The following CTNNA2 variants were observed in gnomAD, a reference collection of about 807,000 sequenced individuals.
The protein encoded by CTNNA2 is catenin alpha 2.
CTNNA2 carries 42 observed loss-of-function variants against 101.0 expected under a neutral mutation model. The ratio of observed to expected loss-of-function variants is 0.42; its 90% CI spans 0.32 to 0.54. The LOEUF (loss-of-function observed/expected upper bound fraction) is 0.54. CTNNA2 is among the 20% of genes least tolerant of loss of function. The pLI, the probability that CTNNA2 is intolerant of heterozygous loss-of-function variation, is 0.14. For missense variants in CTNNA2, 871 were observed against 1,223.1 expected, an observed-to-expected ratio of 0.71 and a Z score of 4.29; for synonymous variants, 450 against 456.4, an observed-to-expected ratio of 0.99 and a Z score of 0.18.
chr2:79,839,633 TC>T (rs558628476), intron 3 of CTNNA2, among the ~76,000 whole-genome samples: 4 of 152,152 alleles, frequency 2.6e-5, no homozygotes, highest in Admixed American at 2.6e-4. Flanking sequence ...TTTTTAAAAT[TC>T]TTTTGGTTAA....
At chr2:80,493,488 G>T (rs931489322) in intron 9 of CTNNA2, among the ~76,000 whole-genome samples, 13 of 152,226 alleles carry the variant, frequency 8.5e-5, no homozygotes, top group Non-Finnish European at 1.0e-4. Flanking sequence ...TTTATAAAAT[G>T]GGAAGATGGA....
chr2:79,289,796 C>A (rs780493078), intron 2 of CTNNA2, among the ~76,000 whole-genome samples: 1 of 152,136 alleles, frequency 6.6e-6, no homozygotes, highest in Non-Finnish European at 1.5e-5. Context: ...CTCTGTTTAA[C>A]TCCTTAATGT....
At chr2:80,328,203 C>CT in intron 7 of CTNNA2, 2 of 458,210 alleles carry the variant, frequency 4.4e-6, no homozygotes, top group Non-Finnish European at 9.1e-6. Flanking sequence ...AGATGGACTG[C>CT]TTTTTTGGGT....
At chr2:80,598,470 AAAAG>A (rs1178831420) in intron 15 of CTNNA2, among the ~76,000 whole-genome samples, 4 of 152,306 alleles carry the variant, frequency 2.6e-5, no homozygotes, top group African/African-American at 9.6e-5. Flanking sequence ...TATAAAAAAA[AAAAG>A]AATCTCAAAA....
chr2:79,652,887 T>A (rs979906821), intron 2 of CTNNA2, among the ~76,000 whole-genome samples: 4 of 152,296 alleles, frequency 2.6e-5, no homozygotes, highest in African/African-American at 9.6e-5. Context: ...CATCTAAATT[T>A]CATCAGCTTA....
intron 7 of CTNNA2, among the ~76,000 whole-genome samples, chr2:79,950,071 T>G (rs912728388): frequency 5.3e-5 from 8 of 152,096 alleles, no homozygotes; most frequent in African/African-American, 1.9e-4. Context: ...AAATTTAATC[T>G]TAGCTAAAAT....
At chr2:79,775,833 G>A (rs1247234749) in intron 3 of CTNNA2, among the ~76,000 whole-genome samples, 2 of 152,138 alleles carry the variant, frequency 1.3e-5, no homozygotes, top group African/African-American at 4.8e-5. Context: ...CAGTGGTCAT[G>A]AGAACTTTAT....
Position 80,302,891 on chromosome 2 carries a change from G to A in CTNNA2, c.1057-90320G>A. ...GCAATCCCACAGGTTCCCGGCCAGG[G>A]TGATGCTTGTCAGGGACTTCCAAGA... On this transcript the variant is annotated intron_variant, in intron 7 of 18. Transcript: ENST00000402739. This position sits in a 1 kb window ranked among gnomAD's most constrained non-coding sequence, Gnocchi z 6.4. The A allele has an allele frequency of 6.2e-7, 1 of 1,614,178 alleles. No individual in the cohort carries two copies. Among genetic ancestry groups the A allele is most frequent in the South Asian group, 1.1e-5 (1 of 91,078 alleles).
intron 4 of CTNNA2, among the ~76,000 whole-genome samples, chr2:79,865,067 G>A (rs1050111448): frequency 3.9e-5 from 6 of 151,996 alleles, no homozygotes; most frequent in East Asian, 1.9e-4. Flanking sequence ...AAATTGTTGT[G>A]CTTTGTATAA....
At chr2:79,320,026 A>C (rs2104408114) in intron 3 of CTNNA2, 1 of 152,270 alleles carries the variant, frequency 6.6e-6, no homozygotes, top group African/African-American at 2.4e-5. Context: ...TTTATCAGAT[A>C]AACATTTTTT....
intron 7 of CTNNA2, among the ~76,000 whole-genome samples, chr2:80,158,522 A>G (rs1704116737): frequency 6.6e-6 from 1 of 152,222 alleles, no homozygotes; most frequent in Non-Finnish European, 1.5e-5. Context: ...GTTGCTCTTC[A>G]ATAGCAACAC....
At chr2:80,521,358 G>T (rs376291633) in intron 9 of CTNNA2, among the ~76,000 whole-genome samples, 13 of 152,270 alleles carry the variant, frequency 8.5e-5, no homozygotes, top group African/African-American at 3.1e-4. Context: ...CTCTTACATG[G>T]AACTCTATGT....
chr2:80,065,315 G>C (rs1006039674), intron 7 of CTNNA2, among the ~76,000 whole-genome samples: 1 of 151,926 alleles, frequency 6.6e-6, no homozygotes, highest in Non-Finnish European at 1.5e-5. Context: ...AGTGGTAAAG[G>C]CCATTGTATC....
intron 3 of CTNNA2, among the ~76,000 whole-genome samples, chr2:79,845,919 A>G (rs1326950343): frequency 6.6e-6 from 1 of 152,200 alleles, no homozygotes; most frequent in Non-Finnish European, 1.5e-5. Context: ...GGGACCTCCC[A>G]CAGTTTAGTA....
intron 1 of CTNNA2, among the ~76,000 whole-genome samples, chr2:79,197,259 G>A (rs1362304944): frequency 1.3e-5 from 2 of 152,144 alleles, no homozygotes; most frequent in African/African-American, 4.8e-5. Context: ...CTTGAATTTG[G>A]CAGAGACTCA....
chr2:80,146,717 T>G (rs1054471970), intron 7 of CTNNA2, among the ~76,000 whole-genome samples: 5 of 81,990 alleles, frequency 6.1e-5, no homozygotes, highest in East Asian at 5.9e-4. Context: ...CTGGTTTTTT[T>G]TTTTTTTTTT....
At chr2:79,930,167 G>T (rs1233552661) in intron 7 of CTNNA2, among the ~76,000 whole-genome samples, 1 of 151,670 alleles carries the variant, frequency 6.6e-6, no homozygotes, top group East Asian at 2.0e-4. Flanking sequence ...AACCTGGGAG[G>T]CAGAGGTGGA....
chr2:80,617,647 G>T (rs115898717), intron 17 of CTNNA2, among the ~76,000 whole-genome samples: 1,640 of 151,682 alleles, frequency 0.011, 24 homozygotes, highest in African/African-American at 0.036. Flanking sequence ...GTGAAAAATG[G>T]ACATGATGTT....
chr2:79,314,040 G>A (rs1676441547), intron 3 of CTNNA2, among the ~76,000 whole-genome samples: 1 of 152,034 alleles, frequency 6.6e-6, no homozygotes, highest in African/African-American at 2.4e-5. Context: ...ATCCTTCTGT[G>A]CTGTTAGTCA....
Sources: allele counts gnomAD v4.1 joint callset (sites outside exome capture counted in the v4.1 genomes callset), GRCh38; gene constraint gnomAD v4.1.1; non-coding constraint Gnocchi (gnomAD v3.1); transcripts MANE v1.5; gene names NCBI Gene and HGNC (gene_info 2026-07-23, HGNC 2026-07-21).